FBN2: variants seen among roughly 807,000 people sequenced by gnomAD.
FBN2 encodes fibrillin 2.
FBN2 carries 105 observed loss-of-function variants against 355.6 expected under a neutral mutation model. The observed-to-expected ratio is 0.30, with a 90% CI of 0.25 to 0.35. The LOEUF (loss-of-function observed/expected upper bound fraction) is 0.35. Ranked by LOEUF, FBN2 falls within the 10% of genes least tolerant of loss-of-function variation. The pLI, the probability that FBN2 is intolerant of heterozygous loss-of-function variation, is 1.00. For missense variants in FBN2, 3,280 were observed against 3,758.7 expected (o/e 0.87, Z 3.33); for synonymous variants, 1,350 against 1,301.2 (o/e 1.04, Z -0.81).
intron 7 of FBN2, among the ~76,000 whole-genome samples, chr5:128,436,675 A>G (rs1316726434): frequency 8.6e-5 from 13 of 151,330 alleles, no homozygotes; most frequent in Non-Finnish European, 1.8e-4. Context: ...TTAAAAAAAA[A>G]AAAAAAGAAA....
intron 25 of FBN2, among the ~76,000 whole-genome samples, chr5:128,340,602 T>C (rs879680034): frequency 3.9e-5 from 6 of 152,308 alleles, no homozygotes; most frequent in Non-Finnish European, 7.3e-5. Context: ...GGGAGTTTCA[T>C]AGTATAAACA....
Position 128,369,228 on chromosome 5 carries a change from G to A in FBN2, c.2202C>T (p.Asp734=), listed in dbSNP as rs1057470455. 9.9e-6 allele frequency: 16 copies of A among 1,614,140 alleles called. No individual in the cohort carries two copies. The highest frequency in any genetic ancestry group is 1.4e-5 in the Non-Finnish European group (16 of 1,180,022). ...TKSECCCANP[D]YGFGEPCQPC... is the part of the protein sequence containing the mutation. The stretch of plus-strand genomic sequence containing the variant: ...GCTGGCAGGGTTCTCCAAAACCATA[G>A]TCTGGATTGGCACAGCAGCATTCGG... Residue 734 remains aspartate, a synonymous_variant, in exon 16 of 65, where the codon GAC becomes GAT. Transcript: ENST00000262464.
intron 5 of FBN2, among the ~76,000 whole-genome samples, chr5:128,497,551 G>A (rs1286229255): frequency 2.0e-5 from 3 of 152,202 alleles, no homozygotes; most frequent in Non-Finnish European, 4.4e-5. Flanking sequence ...TAAAAGGAAA[G>A]GCATACTGCA....
chr5:128,306,033 T>C (rs1749865109), intron 42 of FBN2, 85 bp from the exon 43 acceptor site: 6 of 1,295,322 alleles, frequency 4.6e-6, no homozygotes, highest in Non-Finnish European at 5.6e-6. Flanking sequence ...ACATGTACCC[T>C]GGGATGAGTA....
At chr5:128,368,420 GTA>G (rs369622754) in intron 16 of FBN2, among the ~76,000 whole-genome samples, 4 of 124,492 alleles carry the variant, frequency 3.2e-5, no homozygotes, top group African/African-American at 5.7e-5. Flanking sequence ...GTGTGTGTGT[GTA>G]TATATATATA....
intron 63 of FBN2, among the ~76,000 whole-genome samples, 197 bp downstream of exon 63, chr5:128,263,228 A>C (rs1270349423): frequency 6.6e-6 from 1 of 152,218 alleles, no homozygotes; most frequent in Non-Finnish European, 1.5e-5. Context: ...TATGCTCATC[A>C]CAAAGGAAGT....
intron 5 of FBN2, among the ~76,000 whole-genome samples, chr5:128,493,398 A>C (rs2127129048): frequency 6.6e-6 from 1 of 152,304 alleles, no homozygotes; most frequent in East Asian, 1.9e-4. Flanking sequence ...AAAAGATAAT[A>C]ATAATGATGA....
intron 39 of FBN2, among the ~76,000 whole-genome samples, chr5:128,310,591 C>A (rs930038559): frequency 6.6e-6 from 1 of 151,922 alleles, no homozygotes; most frequent in African/African-American, 2.4e-5. Flanking sequence ...AGCAGTGCAG[C>A]TGCTGGTTGT....
intron 5 of FBN2, among the ~76,000 whole-genome samples, chr5:128,485,391 T>C (rs1755311406): frequency 6.6e-6 from 1 of 152,202 alleles, no homozygotes; most frequent in Non-Finnish European, 1.5e-5. Flanking sequence ...AAAAATAATC[T>C]AAATGTCTAT....
At chr5:128,398,613 C>T (rs999635945) in intron 8 of FBN2, among the ~76,000 whole-genome samples, 4 of 151,958 alleles carry the variant, frequency 2.6e-5, no homozygotes, top group Admixed American at 2.0e-4. Flanking sequence ...TCAATTAGCA[C>T]ATAGAGACAA....
intron 27 of FBN2, among the ~76,000 whole-genome samples, chr5:128,337,449 A>G (rs1323360448): frequency 6.6e-6 from 1 of 152,224 alleles, no homozygotes; most frequent in East Asian, 1.9e-4. Context: ...AGAGATCTTC[A>G]TGTATTGTGA....
intron 64 of FBN2, among the ~76,000 whole-genome samples, chr5:128,260,388 G>C (rs1388558722): frequency 6.6e-6 from 1 of 152,162 alleles, no homozygotes. Context: ...GTTCAAACCA[G>C]CATCTTTGGT....
At chr5:128,477,838 A>G (rs865850243) in intron 5 of FBN2, among the ~76,000 whole-genome samples, 95 of 152,154 alleles carry the variant, frequency 6.2e-4, no homozygotes, top group African/African-American at 2.1e-3. Flanking sequence ...TCCATGTTTG[A>G]TCAATAGTGC....
chr5:128,365,707 A>G (rs1751749079), intron 17 of FBN2, among the ~76,000 whole-genome samples: 1 of 150,240 alleles, frequency 6.7e-6, no homozygotes, highest in Non-Finnish European at 1.5e-5. Context: ...ATACATATTC[A>G]TATATATAGT....
rs1343611813 is a variant in FBN2, at chr5:128,287,310, T to C, written c.6878A>G (p.Lys2293Arg). Residue 2293 changes from lysine (K) to arginine (R), a missense_variant and splice_region_variant, in exon 54 of 65, where the codon AAA becomes AGA. By Grantham distance (26) the Lys-to-Arg change is conservative (BLOSUM62 2). Around this residue, in one of 6 missense-constraint regions of FBN2, gnomAD observed 2,284 missense variants for 2,749.5 expected, o/e 0.83. Coordinates refer to ENST00000262464, the MANE Select transcript of FBN2 (RefSeq NM_001999.4). ...YALREDQKMC[K>R]DLDECAEGLH... ...TACTCCCGAGTCTGAGGCCTTACCT[T>C]TGCACATCTTTTGATCTTCCCTGAG... The C allele has an allele frequency of 6.2e-7, 1 of 1,613,932 alleles. No homozygotes were observed. Among genetic ancestry groups the C allele is most frequent in the Admixed American group, 1.7e-5 (1 of 60,016 alleles).
At chr5:128,459,815 A>G (rs1380020861) in intron 6 of FBN2, among the ~76,000 whole-genome samples, 1 of 152,216 alleles carries the variant, frequency 6.6e-6, no homozygotes, top group Non-Finnish European at 1.5e-5. Context: ...AACATATCTC[A>G]AAATAATAAG....
At position 128,406,090 on chromosome 5, in the gene FBN2, T is replaced by C. The variant is rs1424261036; in HGVS notation, c.1078+2584A>G. Among the ~76,000 whole-genome samples, 5 of 152,340 alleles carry C rather than the reference T, an allele frequency of 3.3e-5. No individual in the cohort carries two copies. In the South Asian group the frequency reaches 6.2e-4, roughly 19 times the overall value. On this transcript the variant is annotated intron_variant, in intron 8 of 64. Transcript: ENST00000262464. ...TCAAGAAAATCAAGCCAGATGTAGG[T>C]AGTTGCACTAATTTTCAACTCTCAT...
intron 23 of FBN2, 39 bp from the exon 24 acceptor site, chr5:128,345,623 A>G: frequency 6.5e-7 from 1 of 1,548,506 alleles, no homozygotes; most frequent in South Asian, 1.1e-5. Flanking sequence ...GAATGAGTTG[A>G]AACATCCATT....
At position 128,464,587 on chromosome 5, in the gene FBN2, G is replaced by T. The variant is rs1409027366; in HGVS notation, c.826+137C>A. On this transcript the variant is annotated intron_variant, in intron 6 of 64. Transcript: ENST00000262464. Reference sequence around the variant, plus strand: ...GTGGCTAAAAGATAAACCTTCTCTGGTCAGGGTTGTTAACGAGGCCACTCT... The same window carrying T: ...GTGGCTAAAAGATAAACCTTCTCTGTTCAGGGTTGTTAACGAGGCCACTCT... 4 of 855,312 alleles carry T rather than the reference G, an allele frequency of 4.7e-6. No homozygotes were observed. The Admixed American group carries it at 7.3e-5, about 16-fold the overall frequency. 53.0% of individuals were successfully genotyped at this position (855,312 alleles called of 1,614,324 possible).
Sources: gnomAD v4.1 joint callset for allele counts (sites outside exome capture counted in the v4.1 genomes callset) on GRCh38, gnomAD v4.1.1 for gene constraint, gnomAD v4.1.1 regional missense constraint, MANE v1.5 for transcripts, NCBI Gene and HGNC (gene_info 2026-07-23, HGNC 2026-07-21) for gene names.